The following EIF4H variants were observed in gnomAD, a reference collection of about 807,000 sequenced individuals.
EIF4H encodes the protein eukaryotic translation initiation factor 4H, also known as Williams-Beuren syndrome chromosome region 1.
Under a neutral mutation model 30.6 loss-of-function variants are expected in EIF4H, and 8 were observed. The observed-to-expected ratio is 0.26, with a 90% CI of 0.15 to 0.47. The LOEUF (loss-of-function observed/expected upper bound fraction) is 0.47. Ranked by LOEUF, EIF4H falls within the 20% of genes least tolerant of loss-of-function variation. The pLI is 0.99. For synonymous variants in EIF4H, 106 were observed against 122.7 expected (o/e 0.86, Z 0.90); for missense variants, 188 against 339.5 (o/e 0.55, Z 3.51).
intron 4 of EIF4H, 143 bp downstream of exon 4, chr7:74,190,061 T>A: frequency 8.6e-7 from 1 of 1,167,336 alleles, no homozygotes; most frequent in Non-Finnish European, 1.2e-6. Context: ...CGTAAAATCC[T>A]AGAAAGAATG....
At chr7:74,188,315 G>T (rs1282612136) in intron 2 of EIF4H, among the ~76,000 whole-genome samples, 1 of 152,234 alleles carries the variant, frequency 6.6e-6, no homozygotes, top group African/African-American at 2.4e-5. Context: ...TCGTGTGTCT[G>T]CAGGGTGCGG....
At chr7:74,178,454 G>A (rs1800887997) in intron 1 of EIF4H, among the ~76,000 whole-genome samples, 1 of 151,798 alleles carries the variant, frequency 6.6e-6, no homozygotes, top group East Asian at 1.9e-4. Context: ...TGAGGCAGGA[G>A]AATTGCTTGA....
At chr7:74,185,074 A>G (rs1341569205) in intron 1 of EIF4H, among the ~76,000 whole-genome samples, 3 of 152,018 alleles carry the variant, frequency 2.0e-5, no homozygotes, top group Admixed American at 6.6e-5. Flanking sequence ...CACTGCAGCA[A>G]CAACCTCCTG....
chr7:74,195,341 G>T lies in EIF4H; in HGVS notation c.*33G>T. On this transcript the variant is annotated 3_prime_UTR_variant, in exon 7 of 7. Coordinates refer to ENST00000265753, the MANE Select transcript of EIF4H (RefSeq NM_022170.2). ...GTTGGGAGGGAATGGGGCGTGGGGG[G>T]TTAGAGCAGGACCACAGCCTGGTGA... 1 of 1,599,194 alleles carries T rather than the reference G, an allele frequency of 6.3e-7. No individual in the cohort carries two copies. The highest frequency in any genetic ancestry group is 1.1e-5 in the South Asian group (1 of 89,228).
chr7:74,191,067 G>T (rs782061138), intron 5 of EIF4H: 8 of 429,120 alleles, frequency 1.9e-5, no homozygotes, highest in Non-Finnish European at 3.2e-5. Context: ...AAACAAAACC[G>T]GTGTAAAGTA....
At position 74,195,448 on chromosome 7, in the gene EIF4H, A is replaced by G; in HGVS notation, c.*140A>G. ...CAGCGGAAACACAGCTTGTGAGTGC[A>G]TGTCAGCTGTTAACAAGTGGTTTTT... On this transcript the variant is annotated 3_prime_UTR_variant, in exon 7 of 7. Transcript: ENST00000265753. 1.0e-6 allele frequency: 1 copy of G among 952,602 alleles called. No individual in the cohort carries two copies. Among genetic ancestry groups the G allele is most frequent in the Non-Finnish European group, 1.5e-6 (1 of 648,720 alleles). 59.0% of individuals were successfully genotyped at this position (952,602 alleles called of 1,614,324 possible).
intron 6 of EIF4H, 66 bp from the exon 7 acceptor site, chr7:74,195,103 C>A: frequency 1.3e-6 from 2 of 1,588,026 alleles, no homozygotes; most frequent in South Asian, 1.1e-5. Context: ...GCAACATCAG[C>A]ATGGTCGTTT....
Position 74,174,460 on chromosome 7 carries a change from G to C in EIF4H, c.59+18G>C, listed in dbSNP as rs1358675453. On this transcript the variant is annotated intron_variant, in intron 1 of 6. Transcript: ENST00000265753. ...GGCAGAGGGTGAGGCGGGCGTGCGC[G>C]GGCCCCGTCGGGGGCTGCGGGACCG... 6 of 1,412,292 alleles carry C rather than the reference G, an allele frequency of 4.2e-6. No homozygotes were observed. Among genetic ancestry groups the C allele is most frequent in the Admixed American group, 2.2e-5 (1 of 45,564 alleles). 87.5% of individuals were successfully genotyped at this position (1,412,292 alleles called of 1,614,324 possible).
At chr7:74,185,914 A>G (rs1314045374) in intron 1 of EIF4H, among the ~76,000 whole-genome samples, 1 of 151,990 alleles carries the variant, frequency 6.6e-6, no homozygotes, top group Non-Finnish European at 1.5e-5. Flanking sequence ...GTCTGTTTCA[A>G]AAAAAAATCA....
At chr7:74,192,862 GA>G (rs1297721120) in intron 5 of EIF4H, among the ~76,000 whole-genome samples, 4 of 151,554 alleles carry the variant, frequency 2.6e-5, no homozygotes, top group African/African-American at 9.7e-5. Context: ...ATTTTTAGTA[GA>G]GACGGGGTCT....
intron 5 of EIF4H, among the ~76,000 whole-genome samples, chr7:74,191,788 T>G (rs1303475410): frequency 4.6e-5 from 7 of 151,984 alleles, no homozygotes; most frequent in African/African-American, 1.7e-4. Flanking sequence ...TTTTTGTTGT[T>G]GTTTTTTTTG....
intron 6 of EIF4H, 133 bp downstream of exon 6, chr7:74,195,011 C>A: frequency 6.7e-7 from 1 of 1,500,254 alleles, no homozygotes; most frequent in Non-Finnish European, 8.9e-7. Context: ...TCTGGAATAG[C>A]AAGTTCACCT....
chr7:74,191,793 T>G (rs1390105182), intron 5 of EIF4H, among the ~76,000 whole-genome samples: 1 of 152,152 alleles, frequency 6.6e-6, no homozygotes, highest in East Asian at 1.9e-4. Flanking sequence ...GTTGTTGTTT[T>G]TTTTGAGACG....
At chr7:74,176,870 T>C (rs1317459130) in intron 1 of EIF4H, among the ~76,000 whole-genome samples, 1 of 152,250 alleles carries the variant, frequency 6.6e-6, no homozygotes, top group Non-Finnish European at 1.5e-5. Flanking sequence ...GACTTTGTTT[T>C]GCAGTTTGCT....
intron 1 of EIF4H, among the ~76,000 whole-genome samples, chr7:74,184,264 G>A (rs1399112366): frequency 6.6e-6 from 1 of 152,140 alleles, no homozygotes; most frequent in Non-Finnish European, 1.5e-5. Context: ...TGGGCTTCCT[G>A]TGCTCAATCA....
In EIF4H at chr7:74,196,318, C is replaced by A. The variant is rs373695868; in HGVS notation, c.*1010C>A. On this transcript the variant is annotated 3_prime_UTR_variant, in exon 7 of 7. Coordinates refer to ENST00000265753, the MANE Select transcript of EIF4H (RefSeq NM_022170.2). The stretch of plus-strand genomic sequence containing the variant: ...ACATAATGAGATACTGTGCTTCCCA[C>A]CTCCCCTTCAGTTCAGAGCCAAAAT... 6.5e-6 allele frequency: 1 copy of A among 152,780 alleles called. No homozygotes were observed. The highest frequency in any genetic ancestry group is 2.1e-4 in the South Asian group (1 of 4,828). The allele number at this position is 152,780 out of a possible 1,614,324, so 9.5% of individuals were successfully genotyped here. A position where few individuals can be genotyped will look rare whatever the true frequency, so the allele number is the denominator to read the frequency against.
intron 1 of EIF4H, among the ~76,000 whole-genome samples, chr7:74,178,699 G>A (rs1344602969): frequency 1.3e-5 from 2 of 152,202 alleles, no homozygotes; most frequent in Non-Finnish European, 2.9e-5. Flanking sequence ...GTTCAGGAGA[G>A]TATTTGTCGC....
chr7:74,180,222 T>C (rs1800928525), intron 1 of EIF4H, among the ~76,000 whole-genome samples: 1 of 152,110 alleles, frequency 6.6e-6, no homozygotes, highest in African/African-American at 2.4e-5. Context: ...AATACTGTTC[T>C]TTTACTTCAA....
intron 1 of EIF4H, among the ~76,000 whole-genome samples, chr7:74,183,480 T>C (rs535323666): frequency 6.6e-6 from 1 of 152,202 alleles, no homozygotes; most frequent in South Asian, 2.1e-4. Flanking sequence ...GATTGAAATA[T>C]AACAGACAAG....
Sources: gnomAD v4.1 joint callset for allele counts (sites outside exome capture counted in the v4.1 genomes callset) on GRCh38, gnomAD v4.1.1 for gene constraint, MANE v1.5 for transcripts, NCBI Gene and HGNC (gene_info 2026-07-23, HGNC 2026-07-21) for gene names.